The following AUH variants were observed in gnomAD, a reference collection of about 807,000 sequenced individuals.
The protein encoded by AUH is methylglutaconyl-CoA hydratase, mitochondrial.
AUH carries 29 observed loss-of-function variants against 42.3 expected under a neutral mutation model. The ratio of observed to expected loss-of-function variants is 0.69; its 90% CI spans 0.51 to 0.93. The LOEUF is 0.93. AUH is among the 40% of genes least tolerant of loss of function. The pLI, the probability that AUH is intolerant of heterozygous loss-of-function variation, is 0.00. For synonymous variants in AUH, 174 were observed against 166.4 expected, an observed-to-expected ratio of 1.05 and a Z score of -0.35; for missense variants, 452 against 438.1, an observed-to-expected ratio of 1.03 and a Z score of -0.28.
At chr9:91,259,305 C>T (rs10991849) in intron 6 of AUH, among the ~76,000 whole-genome samples, 32,693 of 151,964 alleles carry the variant, frequency 0.22, 3,688 homozygotes, top group East Asian at 0.34. Context: ...TCTCTTTCTA[C>T]TGTTTAAATG....
At chr9:91,241,544 T>C (rs1377415088) in intron 6 of AUH, among the ~76,000 whole-genome samples, 2 of 152,152 alleles carry the variant, frequency 1.3e-5, no homozygotes, top group Non-Finnish European at 2.9e-5. Context: ...AAGTACATAA[T>C]ATGTATTATG....
At position 91,214,259 on chromosome 9, in the gene AUH, G is replaced by T; in HGVS notation, c.*89C>A. 2.7e-6 allele frequency: 3 copies of T among 1,126,156 alleles called. No homozygotes were observed. Among genetic ancestry groups the T allele is most frequent in the Non-Finnish European group, 3.9e-6 (3 of 763,498 alleles). The allele number at this position is 1,126,156 out of a possible 1,614,324, so 69.8% of individuals were successfully genotyped here. A position where few individuals can be genotyped will look rare whatever the true frequency, so the allele number is the denominator to read the frequency against. On this transcript the variant is annotated 3_prime_UTR_variant, in exon 10 of 10. Transcript: ENST00000375731. ...TCTGCTCTTCACTTTGGTCATTAAG[G>T]TTCCATGTGCTGAGGCATATAGTGG...
intron 3 of AUH, among the ~76,000 whole-genome samples, chr9:91,353,666 T>G (rs566714571): frequency 6.6e-6 from 1 of 151,564 alleles, no homozygotes; most frequent in African/African-American, 2.4e-5. Context: ...AGTGAAACCC[T>G]GTCTCTACTA....
At chr9:91,289,324 A>G (rs974459253) in intron 6 of AUH, among the ~76,000 whole-genome samples, 30 of 152,224 alleles carry the variant, frequency 2.0e-4, no homozygotes, top group African/African-American at 6.5e-4. Flanking sequence ...TTTCCACAAT[A>G]TTTTCCCCAT....
chr9:91,290,334 G>A (rs374377108), intron 6 of AUH, among the ~76,000 whole-genome samples: 5 of 152,172 alleles, frequency 3.3e-5, no homozygotes, highest in Middle Eastern at 3.4e-3. Context: ...GGAAGATCTC[G>A]AACCCAAGAG....
At chr9:91,332,370 C>T (rs760022952) in intron 3 of AUH, among the ~76,000 whole-genome samples, 4 of 152,042 alleles carry the variant, frequency 2.6e-5, no homozygotes, top group Non-Finnish European at 4.4e-5. Flanking sequence ...GGAGTGGTGG[C>T]GGGTGCCTGT....
intron 6 of AUH, among the ~76,000 whole-genome samples, chr9:91,283,590 A>G (rs1008838508): frequency 6.6e-6 from 1 of 152,204 alleles, no homozygotes; most frequent in African/African-American, 2.4e-5. Flanking sequence ...AATCTCCTTA[A>G]GCTGATAAGC....
chr9:91,347,220 G>C (rs1480831854), intron 3 of AUH, among the ~76,000 whole-genome samples: 1 of 149,648 alleles, frequency 6.7e-6, no homozygotes, highest in Non-Finnish European at 1.5e-5. Context: ...TTTTTTGTTT[G>C]TTTGTTTGTT....
intron 6 of AUH, among the ~76,000 whole-genome samples, chr9:91,253,586 A>C (rs529039779): frequency 3.1e-4 from 47 of 152,244 alleles, no homozygotes; most frequent in Non-Finnish European, 5.3e-4. Context: ...CATTGAACCA[A>C]ATTTTTTGTC....
intron 3 of AUH, among the ~76,000 whole-genome samples, chr9:91,338,651 G>A (rs1275618541): frequency 6.6e-6 from 1 of 152,158 alleles, no homozygotes; most frequent in Non-Finnish European, 1.5e-5. Context: ...GGCTGGTCTC[G>A]AACTCCTGAC....
chr9:91,224,894 T>C (rs368277270), intron 6 of AUH, among the ~76,000 whole-genome samples: 5 of 152,208 alleles, frequency 3.3e-5, no homozygotes, highest in Non-Finnish European at 5.9e-5. Context: ...AATGATATAA[T>C]CTGTTCAGTC....
At chr9:91,329,783 G>T (rs1235577355) in intron 3 of AUH, among the ~76,000 whole-genome samples, 1 of 151,602 alleles carries the variant, frequency 6.6e-6, no homozygotes, top group Non-Finnish European at 1.5e-5. Context: ...TGCTTTTCTG[G>T]TAATATCTAA....
chr9:91,340,486 C>T (rs540257866), intron 3 of AUH, among the ~76,000 whole-genome samples: 4 of 152,172 alleles, frequency 2.6e-5, no homozygotes, highest in East Asian at 1.9e-4. Context: ...TATTTTACCC[C>T]GAAAAGCAAT....
chr9:91,330,032 G>A (rs945785023), intron 3 of AUH, among the ~76,000 whole-genome samples: 17 of 151,838 alleles, frequency 1.1e-4, no homozygotes, highest in Non-Finnish European at 5.9e-5. Context: ...AGGATTGAAA[G>A]GTATAATAAA....
chr9:91,298,599 A>G (rs990828398), intron 4 of AUH, among the ~76,000 whole-genome samples: 14 of 152,340 alleles, frequency 9.2e-5, no homozygotes, highest in African/African-American at 3.4e-4. Flanking sequence ...GAGGAGCCCT[A>G]ACATTATGAA....
chr9:91,342,485 C>T (rs961436133), intron 3 of AUH, among the ~76,000 whole-genome samples: 35 of 152,152 alleles, frequency 2.3e-4, no homozygotes, highest in African/African-American at 8.4e-4. Context: ...TATTTCTGAA[C>T]AGTGTCTGAA....
At chr9:91,292,273 C>CT (rs1017680283) in intron 6 of AUH, among the ~76,000 whole-genome samples, 5,211 of 130,944 alleles carry the variant, frequency 0.04, 122 homozygotes, top group African/African-American at 0.045. Context: ...TGGGAACCCT[C>CT]TTTTTTTTTT....
chr9:91,300,677 T>A (rs540945098), intron 4 of AUH, among the ~76,000 whole-genome samples: 1 of 152,360 alleles, frequency 6.6e-6, no homozygotes, highest in African/African-American at 2.4e-5. Context: ...GTGTAAACAT[T>A]TAGCATGGCA....
chr9:91,354,168 CA>C (rs199699425), intron 3 of AUH, among the ~76,000 whole-genome samples: 15 of 137,498 alleles, frequency 1.1e-4, no homozygotes, highest in Admixed American at 1.4e-4. Flanking sequence ...AAGTCCGTCT[CA>C]AAAAAAAAAA....
Sources: gnomAD v4.1 joint callset for allele counts (sites outside exome capture counted in the v4.1 genomes callset) on GRCh38, gnomAD v4.1.1 for gene constraint, MANE v1.5 for transcripts, NCBI Gene and HGNC (gene_info 2026-07-23, HGNC 2026-07-21) for gene names.